The following VTI1A variants were observed in gnomAD, a reference collection of about 807,000 sequenced individuals.
VTI1A encodes the protein vesicle transport through interaction with t-SNAREs 1A.
VTI1A carries 22 observed loss-of-function variants against 34.9 expected under a neutral mutation model. The ratio of observed to expected loss-of-function variants is 0.63; its 90% confidence interval spans 0.45 to 0.90. VTI1A has a LOEUF of 0.90. VTI1A is among the 40% of genes least tolerant of loss of function. VTI1A has a pLI of 0.00. For missense variants in VTI1A, 268 were observed against 275.6 expected (o/e 0.97, Z 0.20); for synonymous variants, 87 against 97.3 (o/e 0.89, Z 0.62).
intron 7 of VTI1A, among the ~76,000 whole-genome samples, chr10:112,790,097 C>T (rs1043104440): frequency 6.6e-6 from 1 of 152,144 alleles, no homozygotes; most frequent in Non-Finnish European, 1.5e-5. Context: ...CCGCTGCAGT[C>T]TACTCAGTTG....
At chr10:112,691,186 AG>A (rs1848601497) in intron 7 of VTI1A, among the ~76,000 whole-genome samples, 1 of 151,912 alleles carries the variant, frequency 6.6e-6, no homozygotes, top group African/African-American at 2.4e-5. Flanking sequence ...TCTTGAACAC[AG>A]GAGGTGTAGG....
chr10:112,638,418 A>C (rs1400755716), intron 5 of VTI1A, among the ~76,000 whole-genome samples: 1 of 152,202 alleles, frequency 6.6e-6, no homozygotes, highest in Non-Finnish European at 1.5e-5. Context: ...CAAGCTAGAA[A>C]ATTTGTAAGC....
the VTI1A span, among the ~76,000 whole-genome samples, chr10:112,847,912 G>A: frequency 6.6e-6 from 1 of 152,090 alleles, no homozygotes; most frequent in African/African-American, 2.4e-5. Flanking sequence ...GAGGCACCAG[G>A]CATATAAGTA....
chr10:112,535,959 T>A (rs1169151256), intron 4 of VTI1A, among the ~76,000 whole-genome samples: 1 of 152,226 alleles, frequency 6.6e-6, no homozygotes, highest in Non-Finnish European at 1.5e-5. Context: ...GTGTGCAGAT[T>A]TACTCTGATA....
At chr10:112,672,203 G>A (rs572131601) in intron 7 of VTI1A, among the ~76,000 whole-genome samples, 1 of 152,162 alleles carries the variant, frequency 6.6e-6, no homozygotes, top group Admixed American at 6.5e-5. Flanking sequence ...AATGGTATAT[G>A]GAATCATTAC....
chr10:112,578,534 A>G (rs1379665688), intron 5 of VTI1A, among the ~76,000 whole-genome samples: 1 of 152,182 alleles, frequency 6.6e-6, no homozygotes, highest in Non-Finnish European at 1.5e-5. Context: ...AAGCTTAGGA[A>G]TGAAGTTATA....
At chr10:112,560,182 A>G (rs961426508) in intron 5 of VTI1A, among the ~76,000 whole-genome samples, 3 of 152,206 alleles carry the variant, frequency 2.0e-5, no homozygotes, top group East Asian at 1.9e-4. Context: ...TCTATTCAGG[A>G]TTCTCTGCTT....
At chr10:112,655,811 G>A (rs1477121452) in intron 5 of VTI1A, among the ~76,000 whole-genome samples, 1 of 152,140 alleles carries the variant, frequency 6.6e-6, no homozygotes, top group Non-Finnish European at 1.5e-5. Context: ...TGACATGACT[G>A]ACAGACATTT....
chr10:112,745,404 C>G (rs977486178), intron 7 of VTI1A, among the ~76,000 whole-genome samples: 1 of 151,998 alleles, frequency 6.6e-6, no homozygotes, highest in East Asian at 1.9e-4. Context: ...GTTTCTGGCT[C>G]TATACATTTT....
chr10:112,515,248 T>A (rs568465185), intron 3 of VTI1A, among the ~76,000 whole-genome samples: 6 of 152,028 alleles, frequency 3.9e-5, no homozygotes, highest in African/African-American at 1.4e-4. Context: ...CTATAAAAGA[T>A]CAGAATGAAG....
chr10:112,761,635 G>A (rs1170109065), intron 7 of VTI1A, among the ~76,000 whole-genome samples: 2 of 152,058 alleles, frequency 1.3e-5, no homozygotes, highest in Admixed American at 6.6e-5. Context: ...TTAAAATCCA[G>A]TTTTAATCCT....
At chr10:112,611,737 A>ATTTTTTTTTTTTTTTTTTTTTGTTTTT (rs1845317676) in intron 5 of VTI1A, among the ~76,000 whole-genome samples, 1 of 100,856 alleles carries the variant, frequency 9.9e-6, no homozygotes, top group Non-Finnish European at 1.9e-5. Context: ...GAGAAAGGTA[A>ATTTTTTTTTTTTTTTTTTTTTGTTTTT]TTTTTTTTTT....
At chr10:112,830,849 A>ATATATATATTTTTTTTTTTTTTT in the VTI1A span, among the ~76,000 whole-genome samples, 1 of 33,512 alleles carries the variant, frequency 3.0e-5, no homozygotes, top group African/African-American at 1.4e-4. Flanking sequence ...ATATATATAT[A>ATATATATATTTTTTTTTTTTTTT]TTTTTTTTTT....
chr10:112,620,397 A>G (rs1199176697), intron 5 of VTI1A, among the ~76,000 whole-genome samples: 1 of 152,202 alleles, frequency 6.6e-6, no homozygotes, highest in East Asian at 1.9e-4. Flanking sequence ...TGACAGCTAC[A>G]ACAGAGGTGG....
intron 7 of VTI1A, among the ~76,000 whole-genome samples, chr10:112,793,845 T>C (rs1470615695): frequency 1.3e-5 from 2 of 152,216 alleles, no homozygotes; most frequent in African/African-American, 4.8e-5. Flanking sequence ...TACGACATCA[T>C]TGCAGTTGCA....
At chr10:112,588,919 A>G (rs1334308947) in intron 5 of VTI1A, among the ~76,000 whole-genome samples, 1 of 151,926 alleles carries the variant, frequency 6.6e-6, no homozygotes, top group Non-Finnish European at 1.5e-5. Context: ...TGCAGAACAC[A>G]GTTCCTGGAA....
At chr10:112,823,617 T>A (rs946382920), downstream of VTI1A, 1 of 152,062 alleles carries the variant, frequency 6.6e-6, no homozygotes, top group Non-Finnish European at 1.5e-5. Context: ...CGCACCATCC[T>A]CCCCCAGACA....
the VTI1A span, among the ~76,000 whole-genome samples, chr10:112,847,497 G>A: frequency 6.6e-6 from 1 of 152,132 alleles, no homozygotes; most frequent in Admixed American, 6.5e-5. Context: ...GCAAGAATGG[G>A]AATCAAATTT....
intron 7 of VTI1A, among the ~76,000 whole-genome samples, chr10:112,704,265 A>G (rs1341918392): frequency 6.6e-6 from 1 of 152,224 alleles, no homozygotes; most frequent in Non-Finnish European, 1.5e-5. Context: ...CACTTACAGA[A>G]AATGAAATAA....
Sources: gnomAD v4.1 joint callset for allele counts (sites outside exome capture counted in the v4.1 genomes callset) on GRCh38, gnomAD v4.1.1 for gene constraint, MANE v1.5 for transcripts, NCBI Gene and HGNC (gene_info 2026-07-23, HGNC 2026-07-21) for gene names.